The following LMX1B variants were observed in gnomAD, a reference collection of about 807,000 sequenced individuals.
LMX1B encodes LIM homeobox transcription factor 1-beta.
LMX1B carries 12 observed loss-of-function variants against 51.4 expected under a neutral mutation model. That is an observed-to-expected ratio of 0.23 (90% CI 0.15 to 0.38). The LOEUF (loss-of-function observed/expected upper bound fraction) is 0.38, where lower values mean the gene tolerates loss of function less well. Ranked by LOEUF, LMX1B falls within the 10% of genes least tolerant of loss-of-function variation. The pLI is 1.00. For synonymous variants in LMX1B, 237 were observed against 235.4 expected (o/e 1.01, Z -0.06); for missense variants, 445 against 571.1 (o/e 0.78, Z 2.25).
rs942985684 is a variant in LMX1B at position 126,678,329 on chromosome 9, CA to C, written c.327-12495del. ...CGTCTCAAAAAAAAAAAACAAAAAA[CA>C]AAAAAAAAAAACAAAAAGACTGCGG... On this transcript the variant is annotated intron_variant, in intron 2 of 7. Transcript: ENST00000373474. 1.4e-3 allele frequency among the ~76,000 whole-genome samples: 167 copies of C among 117,794 alleles called. 3 individuals carry two copies. Among genetic ancestry groups the C allele is most frequent in the African/African-American group, 5.4e-3 (118 of 22,006 alleles). 77.3% of individuals were successfully genotyped at this position (117,794 alleles called of 152,430 possible). A position where few individuals can be genotyped will look rare whatever the true frequency, so the allele number is the denominator to read the frequency against.
At chr9:126,648,591 G>T (rs1280065197) in intron 2 of LMX1B, among the ~76,000 whole-genome samples, 2 of 152,310 alleles carry the variant, frequency 1.3e-5, no homozygotes, top group African/African-American at 4.8e-5. Flanking sequence ...GAGAGGACTG[G>T]GGACGATCAT....
chr9:126,622,192 T>C lies in LMX1B; in HGVS notation c.326+6623T>C, dbSNP rs555719632. 2.5e-3 allele frequency among the ~76,000 whole-genome samples: 383 copies of C among 152,284 alleles called. 1 individual carries two copies. The highest frequency in any genetic ancestry group is 3.4e-3 in the Non-Finnish European group (230 of 68,016). On this transcript the variant is annotated intron_variant, in intron 2 of 7. Transcript: ENST00000373474. Reference sequence around the variant, plus strand: ...TCGGACCAGCCCTGGACGAATGTCCTGGCTGATGGCAGAGCACCTGGCTGG... The same window carrying C: ...TCGGACCAGCCCTGGACGAATGTCCCGGCTGATGGCAGAGCACCTGGCTGG...
At position 126,615,643 on chromosome 9, in the gene LMX1B, C is replaced by T; in HGVS notation, c.326+74C>T. The T allele has an allele frequency of 7.1e-7, 1 of 1,404,296 alleles. No homozygotes were observed. The highest frequency in any genetic ancestry group is 9.7e-7 in the Non-Finnish European group (1 of 1,029,272). The allele number at this position is 1,404,296 out of a possible 1,614,324, so 87.0% of individuals were successfully genotyped here. ...CGGTCAGCCCCCTGCCGGGCCCGGC[C>T]CGCGCCCGCTCTGCCGCCGGCTCTG... On this transcript the variant is annotated intron_variant, in intron 2 of 7. Transcript: ENST00000373474. This position sits in a 1 kb window ranked among gnomAD's most constrained non-coding sequence, Gnocchi z 6.0.
At chr9:126,652,358 T>TC (rs1223190511) in intron 2 of LMX1B, among the ~76,000 whole-genome samples, 24 of 151,934 alleles carry the variant, frequency 1.6e-4, no homozygotes. Context: ...AGGGAAGGGC[T>TC]CCCGTTCAAA....
intron 2 of LMX1B, among the ~76,000 whole-genome samples, chr9:126,672,670 C>T (rs1045261783): frequency 6.6e-6 from 1 of 152,148 alleles, no homozygotes; most frequent in Non-Finnish European, 1.5e-5. Flanking sequence ...CCTCTCGCCC[C>T]ATTCAGGCCT....
chr9:126,691,888 C>G (rs2030146126), intron 3 of LMX1B, among the ~76,000 whole-genome samples: 1 of 152,234 alleles, frequency 6.6e-6, no homozygotes, highest in Non-Finnish European at 1.5e-5. Context: ...TCTGCTCTAG[C>G]CCCCAAAAGG....
At chr9:126,614,637 C>T (rs1835266221) in intron 1 of LMX1B, 49 bp downstream of exon 1, 6 of 1,473,578 alleles carry the variant, frequency 4.1e-6, no homozygotes, top group Non-Finnish European at 9.0e-7. Context: ...TGGGATGGGG[C>T]GTCGTCCGGC....
chr9:126,692,903 G>A (rs1226952608), intron 3 of LMX1B, among the ~76,000 whole-genome samples: 1 of 152,220 alleles, frequency 6.6e-6, no homozygotes, highest in Non-Finnish European at 1.5e-5. Flanking sequence ...GAGGGAGTGA[G>A]GCGTGTGTGC....
chr9:126,652,008 G>A (rs979035697), intron 2 of LMX1B, among the ~76,000 whole-genome samples: 3 of 151,726 alleles, frequency 2.0e-5, no homozygotes, highest in African/African-American at 7.3e-5. Flanking sequence ...GATGGGGGGG[G>A]GCCTGCCTGC....
chr9:126,639,601 G>T (rs995059249), intron 2 of LMX1B, among the ~76,000 whole-genome samples: 1 of 152,162 alleles, frequency 6.6e-6, no homozygotes, highest in Non-Finnish European at 1.5e-5. Flanking sequence ...TAATCCCAGC[G>T]GAGCCCCCCT....
At chr9:126,639,572 A>G (rs1243442511) in intron 2 of LMX1B, among the ~76,000 whole-genome samples, 1 of 152,210 alleles carries the variant, frequency 6.6e-6, no homozygotes, top group Non-Finnish European at 1.5e-5. Flanking sequence ...GAAAGCTAAT[A>G]ACACACGCCC....
rs944284048 is a variant in LMX1B at position 126,673,578 on chromosome 9, G to T, written c.327-17258G>T. Among the ~76,000 whole-genome samples, 1 of 152,146 alleles carries T rather than the reference G, an allele frequency of 6.6e-6. No homozygotes were observed. Among genetic ancestry groups the T allele is most frequent in the African/African-American group, 2.4e-5 (1 of 41,436 alleles). ...ATGAGGCCACGGGGTTTTTGAGGGG[G>T]TGGTTCCCCAGGCACCCAGCTTCAC... On this transcript the variant is annotated intron_variant, in intron 2 of 7. Transcript: ENST00000373474. This position sits in a 1 kb window ranked among gnomAD's most constrained non-coding sequence, Gnocchi z 4.4.
chr9:126,645,100 C>T lies in LMX1B; in HGVS notation c.326+29531C>T, dbSNP rs1238129793. ...CCAGCTCGCTTTGAATCGCGTTCATCTGGCTGGGTTCCCCCCCTACCACCC... is the reference window on the plus strand; with the variant it reads ...CCAGCTCGCTTTGAATCGCGTTCATTTGGCTGGGTTCCCCCCCTACCACCC... On this transcript the variant is annotated intron_variant, in intron 2 of 7. Transcript: ENST00000373474. 3.3e-5 allele frequency among the ~76,000 whole-genome samples: 5 copies of T among 152,218 alleles called. No individual in the cohort carries two copies. In the East Asian group the frequency reaches 9.6e-4, roughly 29 times the overall value.
At chr9:126,627,668 C>G (rs1835561097) in intron 2 of LMX1B, among the ~76,000 whole-genome samples, 1 of 152,094 alleles carries the variant, frequency 6.6e-6, no homozygotes, top group Admixed American at 6.5e-5. Context: ...TTCTGCGTGG[C>G]CTCCAGTGAC....
chr9:126,658,992 G>A lies in LMX1B; in HGVS notation c.327-31844G>A, dbSNP rs1204937243. Among the ~76,000 whole-genome samples, 1 of 152,192 alleles carries A rather than the reference G, an allele frequency of 6.6e-6. No homozygotes were observed. Among genetic ancestry groups the A allele is most frequent in the Non-Finnish European group, 1.5e-5 (1 of 68,012 alleles). On this transcript the variant is annotated intron_variant, in intron 2 of 7. Coordinates refer to ENST00000373474, the MANE Select transcript of LMX1B (RefSeq NM_001174147.2). The surrounding 1 kb of genome is among the most constrained non-coding windows in gnomAD (Gnocchi z 4.0). The stretch of plus-strand genomic sequence containing the variant: ...ATACAGGGTGGGAGGGACCCTTCAG[G>A]GGGCTGAGAGGCGGGTGTTCTGGGG...
chr9:126,638,132 G>T (rs950725904), intron 2 of LMX1B, among the ~76,000 whole-genome samples: 2 of 152,056 alleles, frequency 1.3e-5, no homozygotes, highest in Non-Finnish European at 2.9e-5. Flanking sequence ...CCAGGGCAGG[G>T]GGCAGGTTCC....
intron 2 of LMX1B, among the ~76,000 whole-genome samples, chr9:126,623,724 C>G (rs1308475448): frequency 6.6e-6 from 1 of 151,082 alleles, no homozygotes; most frequent in Non-Finnish European, 1.5e-5. Flanking sequence ...GGAGTCGCTA[C>G]CCGAGGGCTG....
At chr9:126,693,859 G>A (rs757881449) in intron 6 of LMX1B, 47 bp downstream of exon 6, 48 of 915,628 alleles carry the variant, frequency 5.2e-5, no homozygotes, top group Middle Eastern at 3.1e-4. Flanking sequence ...AGCTGGGGCC[G>A]GGGCCAGGGG....
intron 2 of LMX1B, among the ~76,000 whole-genome samples, chr9:126,622,547 G>A (rs1588263099): frequency 6.6e-6 from 1 of 152,224 alleles, no homozygotes; most frequent in Admixed American, 6.5e-5. Flanking sequence ...GACGGGAGGG[G>A]AGGAGCAGCA....
Sources: gnomAD v4.1 joint callset for allele counts (sites outside exome capture counted in the v4.1 genomes callset) on GRCh38, gnomAD v4.1.1 for gene constraint, Gnocchi (gnomAD v3.1) non-coding constraint, MANE v1.5 for transcripts, NCBI Gene and HGNC (gene_info 2026-07-23, HGNC 2026-07-21) for gene names.